Variants in STIM1 observed in about 807,000 individuals in gnomAD.
The protein encoded by STIM1 is stromal interaction molecule 1.
A neutral mutation model predicts 74.7 loss-of-function variants in STIM1; 25 were observed. That is an observed-to-expected ratio of 0.33 (90% CI 0.24 to 0.47). STIM1 has a LOEUF of 0.47. Among genes scored for constraint, STIM1 ranks in the 20% least tolerant of loss-of-function variants. The probability of loss-of-function intolerance (pLI) is 1.00; values close to 1 mark genes in which losing one functional copy is unlikely to be tolerated. For synonymous variants in STIM1, 328 were observed against 348.8 expected (o/e 0.94, Z 0.66); for missense variants, 728 against 920.8 (o/e 0.79, Z 2.71).
chr11:3,867,407 C>G (rs1240507657), intron 1 of STIM1: 1 of 152,226 alleles, frequency 6.6e-6, no homozygotes, highest in Admixed American at 6.5e-5. Context: ...TCTTCCTGCT[C>G]CCTGTCTTTG....
chr11:3,999,798 C>T, intron 2 of STIM1: 1 of 152,666 alleles, frequency 6.6e-6, no homozygotes, highest in Non-Finnish European at 1.5e-5. Context: ...TCGGGAAGTG[C>T]AAGGGATCAG....
intron 2 of STIM1, among the ~76,000 whole-genome samples, chr11:3,992,946 A>G (rs180987747): frequency 1.3e-5 from 2 of 152,294 alleles, no homozygotes; most frequent in East Asian, 1.9e-4. Context: ...CTTTTAAAAC[A>G]TATCCAAAAT....
chr11:4,058,941 T>G (rs899681621), intron 4 of STIM1: 6 of 1,135,892 alleles, frequency 5.3e-6, no homozygotes, highest in Middle Eastern at 4.1e-4. Flanking sequence ...TTATAAATGG[T>G]AGGAGGTGGG....
chr11:4,022,650 C>G (rs558762854), intron 2 of STIM1, among the ~76,000 whole-genome samples: 1 of 152,136 alleles, frequency 6.6e-6, no homozygotes, highest in South Asian at 2.1e-4. Context: ...CCTTCTATAC[C>G]TAATTTGATT....
chr11:3,945,120 A>C (rs1382274092), intron 1 of STIM1, among the ~76,000 whole-genome samples: 1 of 152,212 alleles, frequency 6.6e-6, no homozygotes, highest in Admixed American at 6.5e-5. Flanking sequence ...CTTACTGGCT[A>C]TGTGCTCTTG....
At chr11:3,908,479 G>C (rs1383409331) in intron 1 of STIM1, among the ~76,000 whole-genome samples, 1 of 152,062 alleles carries the variant, frequency 6.6e-6, no homozygotes, top group Non-Finnish European at 1.5e-5. Context: ...GGGCGTGGTG[G>C]CGGGCGCCTG....
At chr11:4,083,657 T>A in intron 10 of STIM1, 159 bp downstream of exon 10, 1 of 707,132 alleles carries the variant, frequency 1.4e-6, no homozygotes, top group Non-Finnish European at 2.4e-6. Context: ...CTCAGGTTAT[T>A]TCTTTATAGT....
At chr11:4,066,312 C>T (rs2094364971) in intron 5 of STIM1, among the ~76,000 whole-genome samples, 1 of 152,208 alleles carries the variant, frequency 6.6e-6, no homozygotes, top group African/African-American at 2.4e-5. Flanking sequence ...TTGTGCGATG[C>T]AGCTGGCCAT....
At chr11:3,996,689 G>A (rs980402709) in intron 2 of STIM1, among the ~76,000 whole-genome samples, 11 of 152,180 alleles carry the variant, frequency 7.2e-5, no homozygotes, top group Non-Finnish European at 1.0e-4. Context: ...ATTTTCTTGA[G>A]CATATGTTTC....
intron 1 of STIM1, among the ~76,000 whole-genome samples, chr11:3,901,307 G>A (rs1038614893): frequency 1.3e-4 from 20 of 152,210 alleles, no homozygotes; most frequent in African/African-American, 4.8e-4. Context: ...ATATGATAAG[G>A]AAAGGTATAC....
intron 1 of STIM1, among the ~76,000 whole-genome samples, chr11:3,910,524 T>TAC (rs2092544328): frequency 6.6e-6 from 1 of 151,612 alleles, no homozygotes; most frequent in Non-Finnish European, 1.5e-5. Flanking sequence ...GTTTAGGAGT[T>TAC]CAAGACCAGC....
At chr11:4,088,945 A>T in intron 12 of STIM1, 1 of 546,168 alleles carries the variant, frequency 1.8e-6, no homozygotes, top group Middle Eastern at 5.3e-4. Context: ...GAAGGACAGG[A>T]ATCAGGCTGG....
chr11:3,962,455 G>A (rs59186053), intron 1 of STIM1, among the ~76,000 whole-genome samples: 8 of 143,882 alleles, frequency 5.6e-5, no homozygotes, highest in African/African-American at 2.4e-4. Flanking sequence ...TTGTGTGTGT[G>A]TGTGTGTGTG....
chr11:3,904,158 C>G, intron 1 of STIM1, among the ~76,000 whole-genome samples: 1 of 135,318 alleles, frequency 7.4e-6, no homozygotes, highest in Non-Finnish European at 1.5e-5. Flanking sequence ...GATCGCTCCA[C>G]TGTACTCCAG....
intron 7 of STIM1, among the ~76,000 whole-genome samples, chr11:4,077,464 G>T (rs1337278782): frequency 2.0e-5 from 3 of 152,020 alleles, no homozygotes; most frequent in African/African-American, 7.2e-5. Flanking sequence ...ATTTTAATAT[G>T]CTTCTCTCAA....
At chr11:3,954,441 A>T (rs1403325033) in intron 1 of STIM1, among the ~76,000 whole-genome samples, 1 of 152,236 alleles carries the variant, frequency 6.6e-6, no homozygotes, top group African/African-American at 2.4e-5. Flanking sequence ...CATGAGCAAG[A>T]CAGCCATGGT....
At chr11:3,978,874 C>T (rs935157666) in intron 2 of STIM1, among the ~76,000 whole-genome samples, 4 of 152,084 alleles carry the variant, frequency 2.6e-5, no homozygotes, top group African/African-American at 9.7e-5. Flanking sequence ...GGGAAGCTGG[C>T]ATCAGGTTCC....
intron 3 of STIM1, among the ~76,000 whole-genome samples, chr11:4,048,649 T>C (rs2094212880): frequency 6.6e-6 from 1 of 152,166 alleles, no homozygotes; most frequent in Non-Finnish European, 1.5e-5. Flanking sequence ...TTCTATTCCT[T>C]CATAATTGAC....
At chr11:3,875,741 C>G (rs923112225) in intron 1 of STIM1, among the ~76,000 whole-genome samples, 3 of 151,086 alleles carry the variant, frequency 2.0e-5, no homozygotes, top group Non-Finnish European at 4.4e-5. Context: ...AAAAAAAACC[C>G]CTAAAAACAA....
Sources: gnomAD v4.1 joint callset for allele counts (sites outside exome capture counted in the v4.1 genomes callset) on GRCh38, gnomAD v4.1.1 for gene constraint, MANE v1.5 for transcripts, NCBI Gene and HGNC (gene_info 2026-07-23, HGNC 2026-07-21) for gene names.